Variants in SFMBT1 observed in about 807,000 individuals in gnomAD.
The protein encoded by SFMBT1 is Scm like with four mbt domains 1.
SFMBT1 carries 32 observed loss-of-function variants against 108.7 expected under a neutral mutation model. The observed-to-expected ratio is 0.29, with a 90% CI of 0.22 to 0.40. SFMBT1 has a LOEUF of 0.40. Among genes scored for constraint, SFMBT1 ranks in the 10% least tolerant of loss-of-function variants. The probability of loss-of-function intolerance (pLI) is 1.00; values close to 1 mark genes in which losing one functional copy is unlikely to be tolerated. For synonymous variants in SFMBT1, 348 were observed against 369.5 expected, an observed-to-expected ratio of 0.94 and a Z score of 0.67; for missense variants, 816 against 1,059.6, an observed-to-expected ratio of 0.77 and a Z score of 3.19.
chr3:52,978,787 A>AT (rs1406324175), intron 1 of SFMBT1, among the ~76,000 whole-genome samples: 88 of 152,346 alleles, frequency 5.8e-4, no homozygotes, highest in African/African-American at 1.9e-3. Flanking sequence ...CATAAAAAGA[A>AT]ATGAAGTACG....
intron 1 of SFMBT1, among the ~76,000 whole-genome samples, chr3:53,011,637 A>C (rs780986406): frequency 2.0e-5 from 3 of 152,238 alleles, no homozygotes; most frequent in Non-Finnish European, 2.9e-5. Context: ...GAGACATTTC[A>C]AAGTAGGAAA....
intron 1 of SFMBT1, among the ~76,000 whole-genome samples, chr3:53,041,050 T>C (rs1700036556): frequency 7.3e-6 from 1 of 136,062 alleles, no homozygotes; most frequent in Non-Finnish European, 1.5e-5. Context: ...ATCAAACTCC[T>C]GGACTCCAGA....
chr3:53,041,866 G>C lies in SFMBT1; in HGVS notation c.-131+3950C>G, dbSNP rs1486717849. 3.3e-5 allele frequency among the ~76,000 whole-genome samples: 5 copies of C among 151,984 alleles called. No homozygotes were observed. In the South Asian group the frequency reaches 1.0e-3, roughly 32 times the overall value. On this transcript the variant is annotated intron_variant, in intron 1 of 20. Coordinates refer to ENST00000394752, the MANE Select transcript of SFMBT1 (RefSeq NM_016329.4). Reference sequence around the variant, plus strand: ...CACTTTTATCCCATTTAATAACTATGTATATACAGAAATATTATTTTCAAA... The same window carrying C: ...CACTTTTATCCCATTTAATAACTATCTATATACAGAAATATTATTTTCAAA...
rs116180499 is a variant in SFMBT1 at position 52,950,253 on chromosome 3, A to T, written c.123+4064T>A. On this transcript the variant is annotated intron_variant, in intron 3 of 20. Transcript: ENST00000394752. ...TTATTCCACTTTGCCTTCTTAGCAT[A>T]TTATATTTCTTTTAACTGTTTTTAG... Among the ~76,000 whole-genome samples, 302 of 152,188 alleles carry T rather than the reference A, an allele frequency of 2.0e-3. 2 individuals carry two copies. The highest frequency in any genetic ancestry group is 7.1e-3 in the African/African-American group (293 of 41,512).
In SFMBT1 at chr3:52,958,502, A is replaced by G. The variant is rs540641387; in HGVS notation, c.29-4091T>C. Among the ~76,000 whole-genome samples the G allele has an allele frequency of 2.4e-3, 372 of 152,308 alleles. 1 individual carries two copies. The highest frequency in any genetic ancestry group is 8.0e-3 in the African/African-American group (332 of 41,566). On this transcript the variant is annotated intron_variant, in intron 2 of 20. Transcript: ENST00000394752. ...TCTACTCAGGAGGCTGAGGCAGGAG[A>G]ATCTCTTGAACCTGGGAGGCGGAGG...
At chr3:52,956,813 T>C (rs1298918014) in intron 2 of SFMBT1, among the ~76,000 whole-genome samples, 1 of 152,106 alleles carries the variant, frequency 6.6e-6, no homozygotes, top group Non-Finnish European at 1.5e-5. Context: ...TAGGTATTGA[T>C]GGAACATATC....
intron 1 of SFMBT1, among the ~76,000 whole-genome samples, chr3:53,041,416 C>T (rs539577299): frequency 2.6e-5 from 4 of 151,948 alleles, no homozygotes; most frequent in African/African-American, 7.2e-5. Context: ...AATCATTTTC[C>T]GCGAGGCGCG....
intron 3 of SFMBT1, among the ~76,000 whole-genome samples, chr3:52,949,568 C>CTT (rs59842273): frequency 0.011 from 873 of 77,386 alleles, 177 homozygotes; most frequent in South Asian, 0.079. Context: ...TAATGTCCTT[C>CTT]TTTTTTTTTT....
At chr3:52,984,131 A>G (rs1444033717) in intron 1 of SFMBT1, among the ~76,000 whole-genome samples, 4 of 152,204 alleles carry the variant, frequency 2.6e-5, no homozygotes, top group African/African-American at 9.7e-5. Flanking sequence ...GAAGGATAGA[A>G]CTGCCACTTA....
chr3:52,942,379 T>C (rs1250584582), intron 4 of SFMBT1, among the ~76,000 whole-genome samples: 2 of 152,220 alleles, frequency 1.3e-5, no homozygotes, highest in Non-Finnish European at 2.9e-5. Flanking sequence ...GTAAACATCA[T>C]ATATGTCACC....
chr3:52,934,952 C>T, intron 4 of SFMBT1, 51 bp from the exon 5 acceptor site: 1 of 1,469,376 alleles, frequency 6.8e-7, no homozygotes. Flanking sequence ...CCACAGAATG[C>T]AGAGAAACCG....
At chr3:52,907,881 A>G (rs1487240041) in intron 17 of SFMBT1, 148 bp from the exon 18 acceptor site, 1 of 737,890 alleles carries the variant, frequency 1.4e-6, no homozygotes, top group East Asian at 2.7e-5. Context: ...ACAGATCTGA[A>G]GTGCACGGTT....
intron 1 of SFMBT1, among the ~76,000 whole-genome samples, chr3:53,013,615 C>CTTTTTTTTTT (rs397989629): frequency 1.7e-5 from 1 of 58,082 alleles, no homozygotes; most frequent in African/African-American, 8.4e-5. Context: ...TATAAAGAAT[C>CTTTTTTTTTT]TTTTTTTTTT....
intron 1 of SFMBT1, among the ~76,000 whole-genome samples, chr3:53,043,900 G>A (rs1484331660): frequency 6.6e-6 from 1 of 152,156 alleles, no homozygotes; most frequent in Non-Finnish European, 1.5e-5. Context: ...CTGTTTTGAG[G>A]CAAAACTCAT....
At chr3:52,983,482 C>T (rs1028033548) in intron 1 of SFMBT1, among the ~76,000 whole-genome samples, 1 of 152,162 alleles carries the variant, frequency 6.6e-6, no homozygotes, top group Admixed American at 6.5e-5. Flanking sequence ...GTCAACACCC[C>T]TGTGTTGTTC....
chr3:52,999,355 C>T (rs1454811843), intron 1 of SFMBT1, among the ~76,000 whole-genome samples: 4 of 150,126 alleles, frequency 2.7e-5, no homozygotes, highest in African/African-American at 7.3e-5. Context: ...CCTCCTCTGA[C>T]CAGGCCTGCG....
chr3:52,928,925 A>T (rs913275812), intron 8 of SFMBT1, among the ~76,000 whole-genome samples: 1 of 151,436 alleles, frequency 6.6e-6, no homozygotes, highest in Non-Finnish European at 1.5e-5. Context: ...GGCTTGTCTC[A>T]AACTCCTGGG....
At chr3:52,978,725 T>C (rs1392561993) in intron 1 of SFMBT1, among the ~76,000 whole-genome samples, 1 of 152,190 alleles carries the variant, frequency 6.6e-6, no homozygotes, top group African/African-American at 2.4e-5. Flanking sequence ...TATCAACCAA[T>C]TAATGGTTAA....
At chr3:52,972,094 C>T (rs1204023582) in intron 1 of SFMBT1, among the ~76,000 whole-genome samples, 3 of 152,190 alleles carry the variant, frequency 2.0e-5, no homozygotes, top group South Asian at 4.1e-4. Flanking sequence ...TTTGATAGAA[C>T]GAAGTCAGTG....
Sources: gnomAD v4.1 joint callset for allele counts (sites outside exome capture counted in the v4.1 genomes callset) on GRCh38, gnomAD v4.1.1 for gene constraint, MANE v1.5 for transcripts, NCBI Gene and HGNC (gene_info 2026-07-23, HGNC 2026-07-21) for gene names.